Variants in NOS1AP observed in about 807,000 individuals in gnomAD.
NOS1AP encodes the protein carboxyl-terminal PDZ ligand of neuronal nitric oxide synthase protein.
Under a neutral mutation model 56.2 loss-of-function variants are expected in NOS1AP, and 21 were observed. The ratio of observed to expected loss-of-function variants is 0.37; its 90% CI spans 0.26 to 0.54. The LOEUF (loss-of-function observed/expected upper bound fraction) is 0.54, where lower values mean the gene tolerates loss of function less well. Ranked by LOEUF, NOS1AP falls within the 20% of genes least tolerant of loss-of-function variation. NOS1AP has a pLI of 0.84. For synonymous variants in NOS1AP, 270 were observed against 274.6 expected (o/e 0.98, Z 0.17); for missense variants, 522 against 657.8 (o/e 0.79, Z 2.26).
At chr1:162,202,264 C>G (rs528912327) in intron 2 of NOS1AP, among the ~76,000 whole-genome samples, 15 of 152,190 alleles carry the variant, frequency 9.9e-5, no homozygotes, top group African/African-American at 3.6e-4. Context: ...TATTGCAGAG[C>G]ATTTGAAGAA....
intron 2 of NOS1AP, among the ~76,000 whole-genome samples, chr1:162,285,897 C>A (rs1326262736): frequency 6.6e-6 from 1 of 152,190 alleles, no homozygotes; most frequent in Non-Finnish European, 1.5e-5. Flanking sequence ...ACACTCAAAT[C>A]AGCTGTGACC....
chr1:162,144,638 C>T (rs1649378915), intron 1 of NOS1AP, among the ~76,000 whole-genome samples: 1 of 152,178 alleles, frequency 6.6e-6, no homozygotes, highest in Non-Finnish European at 1.5e-5. Flanking sequence ...CCCAGGTAGG[C>T]ATGGCAGAAA....
At chr1:162,115,929 C>T (rs770090338) in intron 1 of NOS1AP, among the ~76,000 whole-genome samples, 4 of 152,176 alleles carry the variant, frequency 2.6e-5, no homozygotes, top group Non-Finnish European at 5.9e-5. Context: ...TGGTCTCTAT[C>T]TAGGACACAT....
At chr1:162,279,996 A>G (rs1654867891) in intron 2 of NOS1AP, among the ~76,000 whole-genome samples, 1 of 152,146 alleles carries the variant, frequency 6.6e-6, no homozygotes, top group Non-Finnish European at 1.5e-5. Flanking sequence ...TTCAAATACA[A>G]AGTTTCCTCT....
chr1:162,264,642 G>A (rs1243329940), intron 2 of NOS1AP, among the ~76,000 whole-genome samples: 1 of 150,966 alleles, frequency 6.6e-6, no homozygotes, highest in East Asian at 2.0e-4. Context: ...GAGTAGCTGG[G>A]ATTACAGGCA....
chr1:162,136,491 T>C (rs1649011784), intron 1 of NOS1AP, among the ~76,000 whole-genome samples: 1 of 152,202 alleles, frequency 6.6e-6, no homozygotes, highest in Non-Finnish European at 1.5e-5. Context: ...CCGTATCATA[T>C]GGAAAAACAT....
rs79630464 is a variant in NOS1AP at position 162,180,046 on chromosome 1, T to G, written c.177+25570T>G. ...GGATCTGAGAGGTGAGGACCAGCATTATGCAGGTGTTCATTATCTGGATTT... is the reference window on the plus strand; with the variant it reads ...GGATCTGAGAGGTGAGGACCAGCATGATGCAGGTGTTCATTATCTGGATTT... On this transcript the variant is annotated intron_variant, in intron 2 of 9. Coordinates refer to ENST00000361897, the MANE Select transcript of NOS1AP (RefSeq NM_014697.3). Among the ~76,000 whole-genome samples the G allele has an allele frequency of 5.5e-3, 832 of 152,086 alleles. 21 individuals are homozygous for G. In the East Asian group the frequency reaches 0.059, roughly 11 times the overall value.
chr1:162,147,578 C>T (rs986976768), intron 1 of NOS1AP, among the ~76,000 whole-genome samples: 2 of 152,122 alleles, frequency 1.3e-5, no homozygotes, highest in African/African-American at 4.8e-5. Context: ...AGAAGTTAAT[C>T]TCCAGAAAAT....
intron 1 of NOS1AP, among the ~76,000 whole-genome samples, chr1:162,094,123 A>G (rs965792863): frequency 3.3e-5 from 5 of 152,188 alleles, no homozygotes; most frequent in Non-Finnish European, 7.3e-5. Flanking sequence ...CACCAATGGC[A>G]GATGTGTGGT....
intron 6 of NOS1AP, among the ~76,000 whole-genome samples, chr1:162,351,677 G>A (rs1571238418): frequency 6.6e-6 from 1 of 152,200 alleles, no homozygotes. Flanking sequence ...AGATAAGGTC[G>A]GGTCTTTCTT....
chr1:162,222,173 A>G (rs1652805064), intron 2 of NOS1AP, among the ~76,000 whole-genome samples: 1 of 152,238 alleles, frequency 6.6e-6, no homozygotes. Flanking sequence ...ATTACTCTTC[A>G]AAAAGTTGCA....
chr1:162,129,815 G>A (rs977529821), intron 1 of NOS1AP, among the ~76,000 whole-genome samples: 5 of 152,214 alleles, frequency 3.3e-5, no homozygotes, highest in African/African-American at 4.8e-5. Context: ...CCTAGGCAGT[G>A]TTTGCAGAGC....
intron 3 of NOS1AP, among the ~76,000 whole-genome samples, chr1:162,292,842 A>G (rs559468967): frequency 3.3e-5 from 5 of 152,312 alleles, no homozygotes; most frequent in African/African-American, 9.6e-5. Context: ...GAATTATAGA[A>G]CCAGAATTTA....
intron 2 of NOS1AP, among the ~76,000 whole-genome samples, chr1:162,199,595 C>CGT (rs58625856): frequency 0.11 from 13,881 of 131,556 alleles, 802 homozygotes; most frequent in African/African-American, 0.12. Flanking sequence ...GCATGGATTG[C>CGT]GTGTGTGTGT....
At chr1:162,232,296 G>A (rs1456916999) in intron 2 of NOS1AP, among the ~76,000 whole-genome samples, 3 of 151,960 alleles carry the variant, frequency 2.0e-5, no homozygotes, top group Non-Finnish European at 4.4e-5. Context: ...AAGGGAAGGT[G>A]GTTTATTCAG....
At chr1:162,143,787 C>A (rs1210788822) in intron 1 of NOS1AP, among the ~76,000 whole-genome samples, 1 of 152,108 alleles carries the variant, frequency 6.6e-6, no homozygotes, top group Non-Finnish European at 1.5e-5. Flanking sequence ...CTTATGACAA[C>A]CCTGACATGT....
intron 2 of NOS1AP, among the ~76,000 whole-genome samples, chr1:162,286,781 T>C (rs935248350): frequency 7.9e-5 from 12 of 152,342 alleles, no homozygotes; most frequent in Non-Finnish European, 1.6e-4. Flanking sequence ...TGAGGCCATA[T>C]CTTTTCTAGA....
intron 2 of NOS1AP, among the ~76,000 whole-genome samples, chr1:162,187,733 A>G (rs59660482): frequency 0.019 from 2,825 of 152,250 alleles, 90 homozygotes; most frequent in African/African-American, 0.064. Context: ...GTCAGTGACA[A>G]TGAGGGGCTC....
intron 2 of NOS1AP, among the ~76,000 whole-genome samples, chr1:162,208,434 G>A (rs781072537): frequency 2.0e-5 from 3 of 151,992 alleles, no homozygotes; most frequent in Non-Finnish European, 2.9e-5. Flanking sequence ...AATAAATATT[G>A]AATTGGATGA....
Sources: allele counts gnomAD v4.1 joint callset (sites outside exome capture counted in the v4.1 genomes callset), GRCh38; gene constraint gnomAD v4.1.1; transcripts MANE v1.5; gene names NCBI Gene and HGNC (gene_info 2026-07-23, HGNC 2026-07-21).